Variants in RBBP8NL observed in about 807,000 individuals in gnomAD.
The protein encoded by RBBP8NL is RBBP8 N-terminal-like protein.
Under a neutral mutation model 62.2 loss-of-function variants are expected in RBBP8NL, and 59 were observed. The ratio of observed to expected loss-of-function variants is 0.95; its 90% confidence interval spans 0.77 to 1.18. The LOEUF (loss-of-function observed/expected upper bound fraction) is 1.18, where lower values mean the gene tolerates loss of function less well. Ranked by LOEUF, RBBP8NL falls within the 50% of genes most tolerant of loss-of-function variation. The probability of loss-of-function intolerance (pLI) is 0.00; values close to 1 mark genes in which losing one functional copy is unlikely to be tolerated. For synonymous variants in RBBP8NL, 412 were observed against 394.1 expected (o/e 1.05, Z -0.54); for missense variants, 896 against 899.5 (o/e 1.00, Z 0.05).
At position 62,417,398 on chromosome 20, in the gene RBBP8NL, G is replaced by T. The variant is rs561938686; in HGVS notation, c.105-79C>A. ...CTGTCCCCACCATCCAGCCTGGGGG[G>T]GCAGCGCGATTCGGCACCTGCAGCC... On this transcript the variant is annotated intron_variant, in intron 3 of 13. Transcript: ENST00000252998. 2.4e-4 allele frequency: 280 copies of T among 1,185,788 alleles called. 3 individuals are homozygous for T. In the South Asian group the frequency reaches 3.0e-3, roughly 13 times the overall value. 73.5% of individuals were successfully genotyped at this position (1,185,788 alleles called of 1,614,324 possible). A position where few individuals can be genotyped will look rare whatever the true frequency, so the allele number is the denominator to read the frequency against.
chr20:62,417,393 G>C, intron 3 of RBBP8NL, 74 bp from the exon 4 acceptor site: 2 of 1,223,342 alleles, frequency 1.6e-6, no homozygotes, highest in Non-Finnish European at 2.3e-6. Flanking sequence ...CATCCAGCCT[G>C]GGGGGGCAGC....
Position 62,414,319 on chromosome 20 carries a change from C to A in RBBP8NL, c.1032G>T (p.Ala344=). The change falls in exon 10 of 14, where the codon GCG becomes GCT. Residue 344 remains alanine, a synonymous_variant. Transcript: ENST00000252998. The stretch of plus-strand genomic sequence containing the variant: ...CCTCCAGGCGAAGGTCCTGCATGCC[C>A]GCCAGGGCACTGGGCAGCCCCAGCA... ...TELLGLPSAL[A]GMQDLRLEGA... is the part of the protein sequence containing the mutation. The A allele has an allele frequency of 6.4e-7, 1 of 1,561,158 alleles. No individual in the cohort carries two copies. The highest frequency in any genetic ancestry group is 8.7e-7 in the Non-Finnish European group (1 of 1,154,422).
At chr20:62,426,046 G>A (rs1404390584) in intron 1 of RBBP8NL, among the ~76,000 whole-genome samples, 2 of 151,614 alleles carry the variant, frequency 1.3e-5, no homozygotes, top group South Asian at 4.2e-4. Flanking sequence ...GGCAGTGGCA[G>A]TGGTAGCAGT....
chr20:62,412,515 C>T (rs770020163), intron 13 of RBBP8NL, 109 bp downstream of exon 13: 1 of 1,424,912 alleles, frequency 7.0e-7, no homozygotes, highest in Non-Finnish European at 9.6e-7. Flanking sequence ...CTCCATCATT[C>T]TGAGGCTGCC....
At chr20:62,415,366 G>T in intron 8 of RBBP8NL, 79 bp from the exon 9 acceptor site, 1 of 1,462,276 alleles carries the variant, frequency 6.8e-7, no homozygotes, top group Non-Finnish European at 9.1e-7. Flanking sequence ...TCTGCTGCCT[G>T]CCCTGGGCTG....
intron 13 of RBBP8NL, among the ~76,000 whole-genome samples, chr20:62,411,815 C>A (rs111493297): frequency 3.3e-5 from 5 of 152,374 alleles, no homozygotes; most frequent in African/African-American, 1.2e-4. Flanking sequence ...CAGGAAGTGC[C>A]TCAAATAAGG....
chr20:62,425,295 G>A (rs1390309797), intron 1 of RBBP8NL, among the ~76,000 whole-genome samples: 1 of 152,190 alleles, frequency 6.6e-6, no homozygotes, highest in African/African-American at 2.4e-5. Context: ...GCTTGGACAA[G>A]GTCAAGTCTC....
Position 62,410,969 on chromosome 20 carries a change from C to T in RBBP8NL, c.1904G>A (p.Arg635Lys), listed in dbSNP as rs377122132. Residue 635 changes from arginine (R) to lysine (K), a missense_variant, in exon 14 of 14, where the codon AGG (arginine) becomes AAG (lysine). Transcript: ENST00000252998. ...KASKKPSRGR[R>K]KLTATEGPGS... ...GGGCCCCTCAGTGGCTGTCAGTTTC[C>T]TTCTCCCTCTGGATGGCTTTTTGGA... 30 of 1,613,348 alleles carry T rather than the reference C, an allele frequency of 1.9e-5. No individual in the cohort carries two copies. The highest frequency in any genetic ancestry group is 1.6e-4 in the Middle Eastern group (1 of 6,080).
chr20:62,418,234 G>C (rs1027652819), intron 3 of RBBP8NL, among the ~76,000 whole-genome samples, 189 bp downstream of exon 3: 10 of 152,198 alleles, frequency 6.6e-5, no homozygotes, highest in African/African-American at 2.4e-4. Context: ...ACGCAACTGG[G>C]TTCAAGTGCT....
rs754476481 is a variant in RBBP8NL, at chr20:62,415,795, C to T, written c.537G>A (p.Arg179=). The change falls in exon 7 of 14, where the codon CGG becomes CGA. Residue 179 remains arginine, a synonymous_variant. Coordinates refer to ENST00000252998, the MANE Select transcript of RBBP8NL (RefSeq NM_080833.3). ...AEEDHQGVGL[R]GEEKPAGHRT... The stretch of plus-strand genomic sequence containing the variant: ...ACCCGGTCCCCACAGCACCTTCTCC[C>T]CGTAGGCCCACGCCCTGGTGGTCTT... 1 of 1,611,988 alleles carries T rather than the reference C, an allele frequency of 6.2e-7. No individual in the cohort carries two copies. Among genetic ancestry groups the T allele is most frequent in the Non-Finnish European group, 8.5e-7 (1 of 1,179,880 alleles).
At chr20:62,413,029 GC>G in intron 11 of RBBP8NL, 129 bp from the exon 12 acceptor site, 2 of 1,061,480 alleles carry the variant, frequency 1.9e-6, no homozygotes, top group Non-Finnish European at 2.7e-6. Flanking sequence ...CAAGTGACCT[GC>G]CCCAGGGCAC....
intron 11 of RBBP8NL, 93 bp from the exon 12 acceptor site, chr20:62,412,993 G>T: frequency 1.4e-6 from 2 of 1,429,152 alleles, no homozygotes; most frequent in Non-Finnish European, 9.7e-7. Context: ...CAACTCTGCA[G>T]ATGGGGAAAC....
chr20:62,426,720 G>A (rs1418782267), intron 1 of RBBP8NL, among the ~76,000 whole-genome samples: 4 of 152,224 alleles, frequency 2.6e-5, no homozygotes, highest in Non-Finnish European at 4.4e-5. Flanking sequence ...TGCACACACC[G>A]CCGCAGGGCC....
chr20:62,418,771 C>T (rs1330391790), intron 2 of RBBP8NL, among the ~76,000 whole-genome samples: 4 of 152,102 alleles, frequency 2.6e-5, no homozygotes, highest in Admixed American at 1.3e-4. Flanking sequence ...GTAGAGGGAC[C>T]GAGGGGCCAT....
At chr20:62,417,401 A>T in intron 3 of RBBP8NL, 82 bp from the exon 4 acceptor site, 1 of 1,142,364 alleles carries the variant, frequency 8.8e-7, no homozygotes, top group Non-Finnish European at 1.2e-6. Context: ...CTGGGGGGGC[A>T]GCGCGATTCG....
rs2146435702 is a variant in RBBP8NL at position 62,410,765 on chromosome 20, C to T, written c.*113G>A. On this transcript the variant is annotated 3_prime_UTR_variant, in exon 14 of 14. Transcript: ENST00000252998. ...GTTCAGCTGAGGCTGGCTAGGTCTT[C>T]TCCCAGGGTTCTGTGCAGGGCTGCC... The T allele has an allele frequency of 1.4e-6, 1 of 736,402 alleles. No homozygotes were observed. Among genetic ancestry groups the T allele is most frequent in the Non-Finnish European group, 2.3e-6 (1 of 432,592 alleles). 45.6% of individuals were successfully genotyped at this position (736,402 alleles called of 1,614,324 possible). A position where few individuals can be genotyped will look rare whatever the true frequency, so the allele number is the denominator to read the frequency against.
In RBBP8NL at chr20:62,415,125, C is replaced by T; in HGVS notation, c.790G>A (p.Asp264Asn). The change falls in exon 9 of 14, where the codon GAC becomes AAC. Residue 264 changes from aspartate (D) to asparagine (N), a missense_variant. Asp to Asn is a conservative substitution (Grantham distance 23). Coordinates refer to ENST00000252998, the MANE Select transcript of RBBP8NL (RefSeq NM_080833.3). ...GAGGGTGGGGCAGGCGGGCACCTGTCCAGGGAGAGGCCACGCTCATACGCT... is the reference window on the plus strand; with the variant it reads ...GAGGGTGGGGCAGGCGGGCACCTGTTCAGGGAGAGGCCACGCTCATACGCT... Reference protein sequence around the residue: ...SPAYERGLSLDSFLRASRPSA... With the variant: ...SPAYERGLSLNSFLRASRPSA... 6.8e-7 allele frequency: 1 copy of T among 1,478,296 alleles called. No homozygotes were observed. The highest frequency in any genetic ancestry group is 9.0e-7 in the Non-Finnish European group (1 of 1,111,172). 91.6% of individuals were successfully genotyped at this position (1,478,296 alleles called of 1,614,324 possible).
chr20:62,425,915 A>ATAGCAGTGGCAGTGACAGTAGCAG, intron 1 of RBBP8NL, among the ~76,000 whole-genome samples: 1 of 151,542 alleles, frequency 6.6e-6, no homozygotes, highest in East Asian at 1.9e-4. Context: ...TGGCAGTGGC[A>ATAGCAGTGGCAGTGACAGTAGCAG]TAGCAGTGGC....
At chr20:62,416,955 G>C in intron 4 of RBBP8NL, 83 bp from the exon 5 acceptor site, 1 of 1,113,408 alleles carries the variant, frequency 9.0e-7, no homozygotes, top group Non-Finnish European at 1.3e-6. Context: ...CCACTGCTGG[G>C]AAGTGCCCCT....
Sources: allele counts gnomAD v4.1 joint callset (sites outside exome capture counted in the v4.1 genomes callset), GRCh38; gene constraint gnomAD v4.1.1; transcripts MANE v1.5; gene names NCBI Gene and HGNC (gene_info 2026-07-23, HGNC 2026-07-21).